ANGPT1: variants seen among roughly 807,000 people sequenced by gnomAD.
ANGPT1 encodes the protein angiopoietin 1, also known as angiopoietin-1.
ANGPT1 carries 17 observed loss-of-function variants against 62.2 expected under a neutral mutation model. That is an observed-to-expected ratio of 0.27 (90% CI 0.19 to 0.41). The LOEUF (loss-of-function observed/expected upper bound fraction) is 0.41, where lower values mean the gene tolerates loss of function less well. Among genes scored for constraint, ANGPT1 ranks in the 10% least tolerant of loss-of-function variants. ANGPT1 has a pLI of 1.00. For synonymous variants in ANGPT1, 199 were observed against 198.9 expected, an observed-to-expected ratio of 1.00 and a Z score of 0.00; for missense variants, 478 against 594.9, an observed-to-expected ratio of 0.80 and a Z score of 2.04.
intron 8 of ANGPT1, among the ~76,000 whole-genome samples, chr8:107,262,267 A>G (rs142131263): frequency 2.0e-5 from 3 of 152,350 alleles, no homozygotes; most frequent in African/African-American, 7.2e-5. Flanking sequence ...GATGAAGATA[A>G]CATCAACCTA....
chr8:107,272,227 A>G (rs1421263881), intron 7 of ANGPT1, among the ~76,000 whole-genome samples: 1 of 152,088 alleles, frequency 6.6e-6, no homozygotes, highest in African/African-American at 2.4e-5. Context: ...TTGAGATAGT[A>G]ATGGTCCTGG....
intron 1 of ANGPT1, among the ~76,000 whole-genome samples, chr8:107,465,626 ACT>A (rs1473881505): frequency 6.6e-6 from 1 of 152,154 alleles, no homozygotes; most frequent in African/African-American, 2.4e-5. Flanking sequence ...CTAAGCTTAT[ACT>A]CTGTCTTTAA....
intron 1 of ANGPT1, among the ~76,000 whole-genome samples, chr8:107,410,602 GA>G (rs1817248545): frequency 6.6e-6 from 1 of 152,132 alleles, no homozygotes; most frequent in African/African-American, 2.4e-5. Flanking sequence ...CTAGGAAAGG[GA>G]GACTGAAAAA....
chr8:107,258,174 G>A (rs980013862), intron 8 of ANGPT1, among the ~76,000 whole-genome samples: 14 of 151,822 alleles, frequency 9.2e-5, no homozygotes, highest in Admixed American at 2.6e-4. Flanking sequence ...ATAGAGCTCT[G>A]TCATTCTCTT....
intron 1 of ANGPT1, among the ~76,000 whole-genome samples, chr8:107,370,986 C>G (rs1357026866): frequency 2.1e-5 from 3 of 146,124 alleles, no homozygotes; most frequent in Non-Finnish European, 4.5e-5. Flanking sequence ...AAAAAAAAAG[C>G]AATATCTGTA....
intron 4 of ANGPT1, among the ~76,000 whole-genome samples, chr8:107,314,474 A>AT (rs141616581): frequency 2.6e-5 from 4 of 151,864 alleles, no homozygotes; most frequent in Non-Finnish European, 4.4e-5. Flanking sequence ...ACTATTCACA[A>AT]TTTTTTTTAC....
At chr8:107,391,891 A>G (rs1411419091) in intron 1 of ANGPT1, among the ~76,000 whole-genome samples, 3 of 152,172 alleles carry the variant, frequency 2.0e-5, no homozygotes, top group Non-Finnish European at 4.4e-5. Context: ...GCATTGCCCT[A>G]TGATATTACC....
intron 3 of ANGPT1, chr8:107,322,676 A>G (rs1162018181): frequency 1.5e-5 from 4 of 260,268 alleles, no homozygotes; most frequent in African/African-American, 2.3e-5. Context: ...AATCAGAAAC[A>G]CAAAGGTTTA....
At chr8:107,376,116 C>T (rs1026296684) in intron 1 of ANGPT1, among the ~76,000 whole-genome samples, 1 of 152,170 alleles carries the variant, frequency 6.6e-6, no homozygotes, top group Non-Finnish European at 1.5e-5. Context: ...TCTAAACTAT[C>T]ATGTCATGAC....
chr8:107,379,782 G>T (rs1273159450), intron 1 of ANGPT1, among the ~76,000 whole-genome samples: 1 of 152,142 alleles, frequency 6.6e-6, no homozygotes, highest in Non-Finnish European at 1.5e-5. Flanking sequence ...TATGGCAAGA[G>T]GGAAGATGAC....
At chr8:107,459,906 A>C (rs1812021996) in intron 1 of ANGPT1, among the ~76,000 whole-genome samples, 1 of 152,164 alleles carries the variant, frequency 6.6e-6, no homozygotes, top group Admixed American at 6.6e-5. Context: ...TTTAGAAAGA[A>C]ATGAAAAGAG....
intron 1 of ANGPT1, among the ~76,000 whole-genome samples, chr8:107,392,010 G>T (rs761582207): frequency 6.6e-6 from 1 of 152,116 alleles, no homozygotes; most frequent in African/African-American, 2.4e-5. Context: ...TGTGGTGCAT[G>T]ACTGTAATAG....
intron 6 of ANGPT1, among the ~76,000 whole-genome samples, chr8:107,291,623 A>G (rs1814278449): frequency 6.6e-6 from 1 of 151,888 alleles, no homozygotes; most frequent in Admixed American, 6.6e-5. Flanking sequence ...ATATTGGCCA[A>G]GATGGTCTCG....
At chr8:107,472,954 T>C (rs1186342599) in intron 1 of ANGPT1, among the ~76,000 whole-genome samples, 1 of 152,050 alleles carries the variant, frequency 6.6e-6, no homozygotes, top group East Asian at 1.9e-4. Context: ...AGAATGTAAA[T>C]GACTCCCCCA....
intron 1 of ANGPT1, among the ~76,000 whole-genome samples, chr8:107,388,040 C>CAAT (rs10679976): frequency 0.48 from 72,075 of 151,520 alleles, 18,948 homozygotes; most frequent in Middle Eastern, 0.59. Flanking sequence ...AATTGTTTCT[C>CAAT]AAGTTTGCTC....
intron 1 of ANGPT1, among the ~76,000 whole-genome samples, chr8:107,384,087 A>G (rs1816688783): frequency 6.6e-6 from 1 of 152,152 alleles, no homozygotes; most frequent in South Asian, 2.1e-4. Flanking sequence ...GTATTTGAAG[A>G]GGTGGACATG....
intron 1 of ANGPT1, among the ~76,000 whole-genome samples, chr8:107,354,135 C>G (rs907841354): frequency 4.6e-5 from 7 of 152,126 alleles, no homozygotes; most frequent in African/African-American, 7.2e-5. Flanking sequence ...GGCCAGGACC[C>G]AGGAAAGTCA....
intron 1 of ANGPT1, among the ~76,000 whole-genome samples, chr8:107,421,401 T>C (rs1353372156): frequency 6.6e-6 from 1 of 152,144 alleles, no homozygotes. Flanking sequence ...TGTGAAGCTA[T>C]AAAGTATGAC....
intron 1 of ANGPT1, among the ~76,000 whole-genome samples, chr8:107,349,408 A>G (rs547996129): frequency 4.5e-4 from 68 of 152,276 alleles, no homozygotes; most frequent in Admixed American, 8.5e-4. Flanking sequence ...AATGTTTAGC[A>G]GAAGAAATTT....
Sources: allele counts gnomAD v4.1 joint callset (sites outside exome capture counted in the v4.1 genomes callset), GRCh38; gene constraint gnomAD v4.1.1; transcripts MANE v1.5; gene names NCBI Gene and HGNC (gene_info 2026-07-23, HGNC 2026-07-21).